TMEM108: variants seen among roughly 807,000 people sequenced by gnomAD.
TMEM108 encodes cancer/testis antigen 124.
Under a neutral mutation model 35.1 loss-of-function variants are expected in TMEM108, and 12 were observed. The ratio of observed to expected loss-of-function variants is 0.34; its 90% confidence interval spans 0.22 to 0.55. The LOEUF (loss-of-function observed/expected upper bound fraction) is 0.55, where lower values mean the gene tolerates loss of function less well. TMEM108 is among the 20% of genes least tolerant of loss of function. TMEM108 has a pLI of 0.89. For missense variants in TMEM108, 680 were observed against 753.3 expected (o/e 0.90, Z 1.14); for synonymous variants, 287 against 308.6 (o/e 0.93, Z 0.73).
intron 2 of TMEM108, among the ~76,000 whole-genome samples, chr3:133,194,575 G>A (rs532212463): frequency 7.0e-6 from 1 of 143,610 alleles, no homozygotes; most frequent in Non-Finnish European, 1.5e-5. Context: ...AAATTCCATG[G>A]TTTTTTTTTT....
chr3:133,081,360 A>T (rs969945277), intron 2 of TMEM108, among the ~76,000 whole-genome samples: 2 of 152,200 alleles, frequency 1.3e-5, no homozygotes, highest in African/African-American at 4.8e-5. Context: ...GGGAAAGAAT[A>T]AGCACTCTGG....
chr3:133,230,417 G>A (rs1044005905), intron 3 of TMEM108, among the ~76,000 whole-genome samples: 9 of 152,110 alleles, frequency 5.9e-5, no homozygotes, highest in African/African-American at 2.2e-4. Flanking sequence ...GTGGAAAGTC[G>A]CCAAGTGTTA....
intron 3 of TMEM108, among the ~76,000 whole-genome samples, chr3:133,308,660 C>T (rs893178458): frequency 2.6e-5 from 4 of 152,108 alleles, no homozygotes; most frequent in South Asian, 2.1e-4. Context: ...TGATGGATTA[C>T]GTCTATTGAT....
At chr3:133,392,482 T>C (rs910136564) in intron 5 of TMEM108, among the ~76,000 whole-genome samples, 3 of 152,148 alleles carry the variant, frequency 2.0e-5, no homozygotes, top group African/African-American at 7.2e-5. Context: ...CTCTTTCTAC[T>C]TAGTCCCATG....
At chr3:133,103,172 A>G (rs958154920) in intron 2 of TMEM108, among the ~76,000 whole-genome samples, 2 of 152,342 alleles carry the variant, frequency 1.3e-5, no homozygotes, top group Admixed American at 6.5e-5. Flanking sequence ...TAGCAAACAC[A>G]TGGAATCAGC....
At chr3:133,294,514 C>A (rs1306133024) in intron 3 of TMEM108, among the ~76,000 whole-genome samples, 2 of 152,074 alleles carry the variant, frequency 1.3e-5, no homozygotes, top group East Asian at 3.8e-4. Context: ...AATTTAAATA[C>A]CAATATAATG....
intron 2 of TMEM108, among the ~76,000 whole-genome samples, chr3:133,160,986 T>A (rs757343422): frequency 9.9e-5 from 15 of 152,236 alleles, no homozygotes; most frequent in Admixed American, 3.3e-4. Context: ...TCAAAAGCAG[T>A]TTTGTACCTA....
intron 2 of TMEM108, among the ~76,000 whole-genome samples, chr3:133,078,161 ACG>A (rs1323835953): frequency 0.035 from 872 of 24,828 alleles, 14 homozygotes; most frequent in African/African-American, 0.18. Context: ...GTGTGTGTGC[ACG>A]CGCGCGCGCG....
intron 3 of TMEM108, among the ~76,000 whole-genome samples, chr3:133,332,826 G>A (rs2071413707): frequency 6.6e-6 from 1 of 152,196 alleles, no homozygotes; most frequent in Non-Finnish European, 1.5e-5. Flanking sequence ...ATGACCATTT[G>A]TGTTACTTTC....
At chr3:133,306,850 A>G (rs1432435991) in intron 3 of TMEM108, among the ~76,000 whole-genome samples, 1 of 152,100 alleles carries the variant, frequency 6.6e-6, no homozygotes, top group Non-Finnish European at 1.5e-5. Context: ...GTGTGTCTTT[A>G]TAGCAGCATG....
intron 2 of TMEM108, among the ~76,000 whole-genome samples, chr3:133,186,792 T>A (rs1559861528): frequency 6.6e-6 from 1 of 152,226 alleles, no homozygotes. Flanking sequence ...TATGATATTT[T>A]AAATATCATA....
Position 133,379,912 on chromosome 3 carries a change from C to T in TMEM108, c.201C>T (p.Thr67=), listed in dbSNP as rs1576530648. 6.2e-7 allele frequency: 1 copy of T among 1,613,854 alleles called. No individual in the cohort carries two copies. Among genetic ancestry groups the T allele is most frequent in the Non-Finnish European group, 8.5e-7 (1 of 1,179,916 alleles). ...GACATACTTCTGTGGTGATGCTGACCCCCAATCCCGATGGACCCCCCTCAC... is the reference window on the plus strand; with the variant it reads ...GACATACTTCTGTGGTGATGCTGACTCCCAATCCCGATGGACCCCCCTCAC... ...STRHTSVVML[T]PNPDGPPSQA... The change falls in exon 4 of 6, where the codon ACC becomes ACT. Residue 67 remains threonine, a synonymous_variant. Transcript: ENST00000321871.
chr3:133,039,639 T>G (rs527930068), intron 1 of TMEM108, among the ~76,000 whole-genome samples: 14 of 152,352 alleles, frequency 9.2e-5, no homozygotes, highest in Admixed American at 8.5e-4. Context: ...GGTTAACTTC[T>G]TGATTTGTTG....
chr3:133,236,947 A>G (rs1345494139), intron 3 of TMEM108, among the ~76,000 whole-genome samples: 2 of 152,048 alleles, frequency 1.3e-5, no homozygotes, highest in Non-Finnish European at 2.9e-5. Context: ...AAGTAATACC[A>G]AGATGTGCTT....
intron 3 of TMEM108, among the ~76,000 whole-genome samples, chr3:133,318,931 A>AAAAAAAC (rs1553760511): frequency 1.6e-4 from 24 of 150,908 alleles, no homozygotes; most frequent in South Asian, 6.3e-4. Context: ...AAAAAAAAAA[A>AAAAAAAC]CTCAGGGGAA....
intron 2 of TMEM108, among the ~76,000 whole-genome samples, chr3:133,208,113 G>C (rs1007287340): frequency 6.6e-6 from 1 of 152,140 alleles, no homozygotes; most frequent in Non-Finnish European, 1.5e-5. Flanking sequence ...GTGTAAAGCA[G>C]GGGTTCCCAA....
chr3:133,233,062 T>C (rs1946177563), intron 3 of TMEM108, among the ~76,000 whole-genome samples: 2 of 151,824 alleles, frequency 1.3e-5, no homozygotes, highest in African/African-American at 4.8e-5. Context: ...TATTATACTT[T>C]AAGTTTTAGG....
intron 3 of TMEM108, among the ~76,000 whole-genome samples, chr3:133,323,434 A>C (rs2071291337): frequency 6.6e-6 from 1 of 152,108 alleles, no homozygotes; most frequent in South Asian, 2.1e-4. Context: ...CAACAGCTGC[A>C]AAAAAATAAA....
intron 2 of TMEM108, among the ~76,000 whole-genome samples, chr3:133,056,483 T>C (rs970465099): frequency 6.6e-6 from 1 of 152,228 alleles, no homozygotes; most frequent in Non-Finnish European, 1.5e-5. Context: ...CCTTATGGGA[T>C]GCTTATGGGC....
Sources: allele counts gnomAD v4.1 joint callset (sites outside exome capture counted in the v4.1 genomes callset), GRCh38; gene constraint gnomAD v4.1.1; transcripts MANE v1.5; gene names NCBI Gene and HGNC (gene_info 2026-07-23, HGNC 2026-07-21).